MRPL34: variants seen among roughly 807,000 people sequenced by gnomAD.
MRPL34 encodes the protein large ribosomal subunit protein bL34m.
A neutral mutation model predicts 6.7 loss-of-function variants in MRPL34; 8 were observed. The observed-to-expected ratio is 1.20, with a 90% CI of 0.70 to 2.16. The LOEUF (loss-of-function observed/expected upper bound fraction) is 2.16. Ranked by LOEUF, MRPL34 falls within the 30% of genes most tolerant of loss-of-function variation. MRPL34 has a pLI of 0.00. For synonymous variants in MRPL34, 59 were observed against 55.1 expected (o/e 1.07, Z -0.31); for missense variants, 146 against 125.5 (o/e 1.16, Z -0.78).
At chr19:17,293,954 G>A (rs8112691) in intron 1 of MRPL34, among the ~76,000 whole-genome samples, 7,632 of 152,080 alleles carry the variant, frequency 0.05, 276 homozygotes, top group East Asian at 0.12. Flanking sequence ...CCCTGGTGCC[G>A]GTCTTCTAGA....
chr19:17,306,205 C>G lies in MRPL34; in HGVS notation c.105C>G (p.Ala35=). ...GGGCCTGGCTGGGGTTCCCAGACGC[C>G]TGGGGCCTCCCCACCCCGCAGCAGG... ...QPRAWLGFPD[A]WGLPTPQQAR... is the part of the protein sequence containing the mutation. Residue 35 remains alanine (A), a synonymous_variant, in exon 2 of 2, where the codon GCC becomes GCG. Transcript: ENST00000252602. 1.3e-6 allele frequency: 2 copies of G among 1,555,478 alleles called. No individual in the cohort carries two copies. Among genetic ancestry groups the G allele is most frequent in the South Asian group, 2.3e-5 (2 of 85,322 alleles).
upstream of MRPL34, chr19:17,300,810 C>G: frequency 6.5e-7 from 1 of 1,541,072 alleles, no homozygotes; most frequent in African/African-American, 1.4e-5. Flanking sequence ...GTAGTCCCTG[C>G]TGACCCCATC....
At position 17,294,330 on chromosome 19, in the gene MRPL34, G is replaced by A. The variant is rs777956154; in HGVS notation, c.214+1476G>A. 76 of 1,611,502 alleles carry A rather than the reference G, an allele frequency of 4.7e-5. No homozygotes were observed. In the Admixed American group the frequency reaches 1.2e-3, roughly 26 times the overall value. On this transcript the variant is annotated intron_variant, in intron 1 of 2. Coordinates refer to the MRPL34 transcript ENST00000595444. ...CTTCCTCCACCGGCACAAACTTATC[G>A]TGCATGCCGTGGACAAGCAGGACGG...
upstream of MRPL34, chr19:17,305,711 C>T: frequency 1.5e-6 from 1 of 678,302 alleles, no homozygotes; most frequent in Non-Finnish European, 2.6e-6. Context: ...CTGTGCCCCG[C>T]GGATATAGAC....
upstream of MRPL34, chr19:17,301,318 C>G (rs763907147): frequency 2.6e-5 from 41 of 1,607,452 alleles, no homozygotes; most frequent in Admixed American, 2.2e-4. Context: ...GAGGTCGGCT[C>G]GAGGGGCTCG....
At chr19:17,305,836 G>T, upstream of MRPL34, 1 of 1,531,626 alleles carries the variant, frequency 6.5e-7, no homozygotes, top group South Asian at 1.1e-5. Flanking sequence ...TCCAGGGCTG[G>T]AGCGGCTCTG....
upstream of MRPL34, among the ~76,000 whole-genome samples, chr19:17,299,560 CAAAAA>C (rs567760409): frequency 3.9e-5 from 2 of 51,506 alleles, no homozygotes; most frequent in Non-Finnish European, 7.2e-5. Context: ...GACTCCATCT[CAAAAA>C]AAAAAAAAAA....
upstream of MRPL34, chr19:17,301,032 C>T: frequency 6.2e-7 from 1 of 1,613,516 alleles, no homozygotes; most frequent in South Asian, 1.1e-5. Flanking sequence ...CAAAGAAGTC[C>T]AGCTGCTCCT....
upstream of MRPL34, among the ~76,000 whole-genome samples, chr19:17,304,061 A>G (rs1447674939): frequency 6.6e-6 from 1 of 150,816 alleles, no homozygotes; most frequent in Non-Finnish European, 1.5e-5. Context: ...ACGGCCTCCC[A>G]AAGGGCTGAG....
intron 1 of MRPL34, chr19:17,294,315 C>T: frequency 1.2e-6 from 2 of 1,608,924 alleles, no homozygotes; most frequent in Non-Finnish European, 1.7e-6. Flanking sequence ...CTTCCTCCAC[C>T]GGCACAAACT....
chr19:17,292,585 C>A, upstream of MRPL34: 2 of 1,464,988 alleles, frequency 1.4e-6, no homozygotes, highest in Non-Finnish European at 1.8e-6. Context: ...GTGGTCTGCG[C>A]TGCAGACCTG....
At chr19:17,294,762 G>A (rs2074086250) in intron 1 of MRPL34, 2 of 1,614,162 alleles carry the variant, frequency 1.2e-6, no homozygotes, top group Non-Finnish European at 1.7e-6. Flanking sequence ...GGGCTCCAGC[G>A]CCGTAGGGCC....
At chr19:17,301,061 C>T (rs566396701), upstream of MRPL34, 2 of 1,613,574 alleles carry the variant, frequency 1.2e-6, no homozygotes, top group African/African-American at 1.3e-5. Flanking sequence ...GCCAGGGAAC[C>T]GCCGACACCA....
chr19:17,294,180 A>G lies in MRPL34; in HGVS notation c.214+1326A>G, dbSNP rs570862021. On this transcript the variant is annotated intron_variant, in intron 1 of 2. Coordinates refer to the MRPL34 transcript ENST00000595444. ...CACCCGGCAGCCACGCCCCCTCGGG[A>G]AGAAAGCACGCCCACCAAGCGCTAC... 3.9e-5 allele frequency: 53 copies of G among 1,369,992 alleles called. No individual in the cohort carries two copies. In the African/African-American group the frequency reaches 7.4e-4, roughly 19 times the overall value. The allele number at this position is 1,369,992 out of a possible 1,614,324, so 84.9% of individuals were successfully genotyped here.
chr19:17,296,800 T>C (rs1458273009), intron 1 of MRPL34: 1 of 151,884 alleles, frequency 6.6e-6, no homozygotes, highest in Non-Finnish European at 1.5e-5. Flanking sequence ...GTTCAAGTGA[T>C]TCTCCTGTCT....
chr19:17,297,092 G>C (rs28419078), intron 1 of MRPL34, among the ~76,000 whole-genome samples: 3 of 152,188 alleles, frequency 2.0e-5, no homozygotes, highest in Admixed American at 2.0e-4. Context: ...TTAAGGAAAT[G>C]TTTGCCAGCC....
upstream of MRPL34, among the ~76,000 whole-genome samples, chr19:17,302,390 C>G (rs1449722164): frequency 1.3e-5 from 2 of 151,894 alleles, no homozygotes; most frequent in African/African-American, 4.8e-5. Context: ...CAGGTATACA[C>G]TAACTCACTA....
chr19:17,303,785 T>C (rs1315014126), upstream of MRPL34, among the ~76,000 whole-genome samples: 1 of 152,196 alleles, frequency 6.6e-6, no homozygotes, highest in African/African-American at 2.4e-5. Flanking sequence ...CTCTCTGTAT[T>C]GACCTTTCCA....
upstream of MRPL34, among the ~76,000 whole-genome samples, chr19:17,299,909 T>C (rs533282737): frequency 5.3e-5 from 8 of 151,876 alleles, no homozygotes; most frequent in East Asian, 1.6e-3. Context: ...GGCCCCTTTT[T>C]TTTTTTTCAT....
Sources: gnomAD v4.1 joint callset for allele counts (sites outside exome capture counted in the v4.1 genomes callset) on GRCh38, gnomAD v4.1.1 for gene constraint, MANE v1.5 for transcripts, NCBI Gene and HGNC (gene_info 2026-07-23, HGNC 2026-07-21) for gene names.